CDH8: variants seen among roughly 807,000 people sequenced by gnomAD.
CDH8 encodes cadherin 8.
In CDH8, 17 loss-of-function variants were observed where a neutral mutation model predicts 68.1. That is an observed-to-expected ratio of 0.25 (90% confidence interval 0.17 to 0.37). CDH8 has a LOEUF of 0.37. CDH8 is among the 10% of genes least tolerant of loss of function. CDH8 has a pLI of 1.00. For missense variants in CDH8, 763 were observed against 999.3 expected, an observed-to-expected ratio of 0.76 and a Z score of 3.19; for synonymous variants, 372 against 365.1, an observed-to-expected ratio of 1.02 and a Z score of -0.21.
chr16:61,972,571 G>GGGTGTGTGTGTGTGTGTGTGTGT (rs369833002), intron 2 of CDH8, among the ~76,000 whole-genome samples: 13 of 131,550 alleles, frequency 9.9e-5, no homozygotes, highest in African/African-American at 3.0e-4. Flanking sequence ...ACACATTGTG[G>GGGTGTGTGTGTGTGTGTGTGTGT]GTGTGTGTGT....
At chr16:62,012,316 G>A (rs1315769069) in intron 2 of CDH8, among the ~76,000 whole-genome samples, 1 of 152,082 alleles carries the variant, frequency 6.6e-6, no homozygotes, top group East Asian at 1.9e-4. Context: ...CTTCACATCT[G>A]GTTAATATCT....
At chr16:61,716,987 A>G (rs4628957) in intron 9 of CDH8, among the ~76,000 whole-genome samples, 54,485 of 151,502 alleles carry the variant, frequency 0.36, 10,227 homozygotes, top group Middle Eastern at 0.39. Flanking sequence ...GGCAGGTTGT[A>G]TTGACATACC....
intron 5 of CDH8, among the ~76,000 whole-genome samples, chr16:61,824,647 AT>A (rs1019801660): frequency 2.0e-5 from 3 of 151,902 alleles, no homozygotes; most frequent in Admixed American, 2.0e-4. Context: ...GGCACTAGAG[AT>A]TTGATTTCCT....
chr16:61,768,949 G>C (rs1960707218), intron 8 of CDH8, among the ~76,000 whole-genome samples: 1 of 151,436 alleles, frequency 6.6e-6, no homozygotes, highest in Middle Eastern at 3.2e-3. Context: ...AATTAATGAA[G>C]AACCCCAAAA....
chr16:61,719,930 A>T (rs1959204260), intron 9 of CDH8, among the ~76,000 whole-genome samples: 1 of 150,958 alleles, frequency 6.6e-6, no homozygotes, highest in African/African-American at 2.4e-5. Flanking sequence ...CTTGTAGTAA[A>T]ACAAAACAAA....
chr16:61,651,792 G>A lies in CDH8; in HGVS notation c.*1816C>T, dbSNP rs1287377634. 2 of 152,272 alleles carry A rather than the reference G, an allele frequency of 1.3e-5. No homozygotes were observed. The highest frequency in any genetic ancestry group is 2.9e-5 in the Non-Finnish European group (2 of 68,130). 9.4% of individuals were successfully genotyped at this position (152,272 alleles called of 1,614,324 possible). A position where few individuals can be genotyped will look rare whatever the true frequency, so the allele number is the denominator to read the frequency against. ...GGACCCAAATGACACAGCTGGACTAGCCTTTAGGTGTTCCATGTTCCTCTT... is the reference window on the plus strand; with the variant it reads ...GGACCCAAATGACACAGCTGGACTAACCTTTAGGTGTTCCATGTTCCTCTT... On this transcript the variant is annotated 3_prime_UTR_variant, in exon 12 of 12. Transcript: ENST00000577390.
intron 8 of CDH8, among the ~76,000 whole-genome samples, chr16:61,770,468 G>A (rs1960749293): frequency 1.3e-5 from 2 of 151,956 alleles, no homozygotes; most frequent in Middle Eastern, 3.4e-3. Flanking sequence ...AGGCTTCCTT[G>A]TTAGTCTATT....
chr16:61,751,487 A>G (rs1960163222), intron 8 of CDH8, among the ~76,000 whole-genome samples: 1 of 151,634 alleles, frequency 6.6e-6, no homozygotes, highest in African/African-American at 2.4e-5. Context: ...AAGAAGACAC[A>G]TCCTAGCTCA....
intron 4 of CDH8, among the ~76,000 whole-genome samples, chr16:61,840,197 T>C (rs1231859475): frequency 6.6e-6 from 1 of 152,080 alleles, no homozygotes; most frequent in Non-Finnish European, 1.5e-5. Flanking sequence ...AGCTATTATA[T>C]CCCAGGCACA....
chr16:61,730,632 A>G (rs938943620), intron 8 of CDH8, among the ~76,000 whole-genome samples: 9 of 151,792 alleles, frequency 5.9e-5, no homozygotes, highest in African/African-American at 2.2e-4. Context: ...TTTAACAATT[A>G]CGCAAGTGTA....
At chr16:61,810,595 A>C (rs898259338) in intron 7 of CDH8, among the ~76,000 whole-genome samples, 7 of 152,186 alleles carry the variant, frequency 4.6e-5, no homozygotes, top group African/African-American at 1.4e-4. Context: ...AGATATTTTC[A>C]CTATAACATT....
Position 61,821,117 on chromosome 16 carries a change from T to C in CDH8, c.836-4A>G. On this transcript the variant is annotated splice_region_variant and splice_polypyrimidine_tract_variant and intron_variant, in intron 5 of 11. Transcript: ENST00000577390. ...GGTACTGAGAAGTGATACAGGCCTT[T>C]AAAAAGAGGAGAAACAATGAGAGTC... The C allele has an allele frequency of 6.3e-7, 1 of 1,590,880 alleles. No individual in the cohort carries two copies. The highest frequency in any genetic ancestry group is 8.6e-7 in the Non-Finnish European group (1 of 1,166,850).
intron 3 of CDH8, among the ~76,000 whole-genome samples, chr16:61,880,574 TGGTGAGAAATGA>T (rs1963556255): frequency 6.6e-6 from 1 of 152,186 alleles, no homozygotes; most frequent in Non-Finnish European, 1.5e-5. Flanking sequence ...AGCCCTAGGA[TGGTGAGAAATGA>T]CTTCACAGTT....
In CDH8 at chr16:61,664,055, T is replaced by C. The variant is rs530862188; in HGVS notation, c.1655-8334A>G. ...CTTCTTTCTCTGTATGTTCCAGATA[T>C]CCTGGCCTTTTCTGAGTCAAACATC... is the stretch of plus-strand genomic sequence containing the variant. On this transcript the variant is annotated intron_variant, in intron 10 of 11. Transcript: ENST00000577390. 2.6e-5 allele frequency among the ~76,000 whole-genome samples: 4 copies of C among 152,100 alleles called. No individual in the cohort carries two copies. In the East Asian group the frequency reaches 7.8e-4, roughly 30 times the overall value.
chr16:61,850,400 T>C (rs538404241), intron 4 of CDH8, among the ~76,000 whole-genome samples: 36 of 151,952 alleles, frequency 2.4e-4, no homozygotes, highest in African/African-American at 8.4e-4. Context: ...ACTTCCAACA[T>C]TGGAGGTCAC....
chr16:61,760,283 T>TTTTATTTATTTATTTA (rs138123289), intron 8 of CDH8, among the ~76,000 whole-genome samples: 5 of 146,228 alleles, frequency 3.4e-5, no homozygotes, highest in South Asian at 2.2e-4. Context: ...TGGAAGAAAA[T>TTTTATTTATTTATTTA]TTTATTTATT....
intron 8 of CDH8, among the ~76,000 whole-genome samples, chr16:61,759,541 T>C (rs1313286476): frequency 6.6e-6 from 1 of 152,104 alleles, no homozygotes; most frequent in East Asian, 1.9e-4. Context: ...GAAACAGTAC[T>C]GGATACTCAT....
intron 1 of CDH8, among the ~76,000 whole-genome samples, chr16:62,034,631 G>A (rs965837844): frequency 3.3e-5 from 5 of 152,062 alleles, no homozygotes; most frequent in Non-Finnish European, 7.4e-5. Context: ...ATATCATGAC[G>A]CCAGGTGAAA....
chr16:61,929,999 A>T (rs1283398379), intron 2 of CDH8, among the ~76,000 whole-genome samples: 1 of 152,174 alleles, frequency 6.6e-6, no homozygotes, highest in Admixed American at 6.6e-5. Context: ...AGTTTAACAT[A>T]CGCAGAGTTT....
Sources: gnomAD v4.1 joint callset for allele counts (sites outside exome capture counted in the v4.1 genomes callset) on GRCh38, gnomAD v4.1.1 for gene constraint, MANE v1.5 for transcripts, NCBI Gene and HGNC (gene_info 2026-07-23, HGNC 2026-07-21) for gene names.